The following MYO5A variants were observed in gnomAD, a reference collection of about 807,000 sequenced individuals.
The protein encoded by MYO5A is unconventional myosin-Va.
In MYO5A, 98 loss-of-function variants were observed where a neutral mutation model predicts 249.7. That is an observed-to-expected ratio of 0.39 (90% CI 0.33 to 0.46). The LOEUF is 0.46. Among genes scored for constraint, MYO5A ranks in the 20% least tolerant of loss-of-function variants. The pLI is 0.98. For missense variants in MYO5A, 1,696 were observed against 2,308.8 expected, an observed-to-expected ratio of 0.73 and a Z score of 5.44; for synonymous variants, 778 against 810.6, an observed-to-expected ratio of 0.96 and a Z score of 0.68.
At chr15:52,364,169 C>T (rs1237320558) in intron 24 of MYO5A, among the ~76,000 whole-genome samples, 1 of 151,382 alleles carries the variant, frequency 6.6e-6, no homozygotes, top group African/African-American at 2.4e-5. Flanking sequence ...ACCTGGGAGG[C>T]GGAGGTTGCA....
intron 1 of MYO5A, among the ~76,000 whole-genome samples, chr15:52,456,045 T>A (rs958885360): frequency 1.3e-5 from 2 of 152,112 alleles, no homozygotes; most frequent in African/African-American, 4.8e-5. Context: ...TGACATGATC[T>A]TATTATTTAG....
Position 52,375,335 on chromosome 15 carries a change from C to T in MYO5A, c.2546G>A (p.Arg849Gln), listed in dbSNP as rs754654495. The change falls in exon 20 of 42, where the codon CGA becomes CAA. Residue 849 changes from arginine (R) to glutamine (Q), a missense_variant. Arg to Gln is a conservative substitution (Grantham distance 43, BLOSUM62 1). Transcript: ENST00000399233. ...AATIVLQSYL[R>Q]GFLARNRYRK... is the part of the protein sequence containing the mutation. The stretch of plus-strand genomic sequence containing the variant: ...ATACCTATTTCTGGCCAAGAAGCCT[C>T]GCAAGTAAGACTGAAGAACGATAGT... 1.1e-5 allele frequency: 17 copies of T among 1,614,104 alleles called. No individual in the cohort carries two copies. The highest frequency in any genetic ancestry group is 4.5e-5 in the East Asian group (2 of 44,868).
chr15:52,437,542 C>CTAAG (rs555915999), intron 1 of MYO5A, among the ~76,000 whole-genome samples: 90 of 135,980 alleles, frequency 6.6e-4, no homozygotes, highest in African/African-American at 2.4e-3. Context: ...TTGCAGTGAG[C>CTAAG]TAAGATCAAG....
chr15:52,332,035 C>A lies in MYO5A; in HGVS notation c.4409-1536G>T, dbSNP rs551485696. Among the ~76,000 whole-genome samples the A allele has an allele frequency of 1.7e-3, 260 of 152,294 alleles. 1 individual carries two copies. Among genetic ancestry groups the A allele is most frequent in the South Asian group, 5.0e-3 (24 of 4,818 alleles). ...CAGTTTAAACACAACACCACAAGGA[C>A]CTCTGAAGCAGCACACAGTGGCCTC... On this transcript the variant is annotated intron_variant, in intron 34 of 41. Coordinates refer to ENST00000399233, the MANE Select transcript of MYO5A (RefSeq NM_001382347.1).
chr15:52,442,222 C>A (rs552623551), intron 1 of MYO5A, among the ~76,000 whole-genome samples: 1 of 152,224 alleles, frequency 6.6e-6, no homozygotes, highest in Non-Finnish European at 1.5e-5. Flanking sequence ...CCACAAATTC[C>A]TTCCTCAGAA....
chr15:52,463,383 A>C (rs1375562795), intron 1 of MYO5A, among the ~76,000 whole-genome samples: 1 of 152,186 alleles, frequency 6.6e-6, no homozygotes, highest in Non-Finnish European at 1.5e-5. Flanking sequence ...ATATTAAAAA[A>C]CGTCATCCAT....
At chr15:52,332,840 CT>C (rs2038952444) in intron 34 of MYO5A, among the ~76,000 whole-genome samples, 1 of 152,086 alleles carries the variant, frequency 6.6e-6, no homozygotes, top group Non-Finnish European at 1.5e-5. Flanking sequence ...TGGTACATGC[CT>C]GTAATCCCAG....
intron 24 of MYO5A, among the ~76,000 whole-genome samples, chr15:52,363,104 G>A (rs2040619207): frequency 6.6e-6 from 1 of 152,186 alleles, no homozygotes; most frequent in Non-Finnish European, 1.5e-5. Flanking sequence ...GGGTTATAAA[G>A]CTTAGCTCTA....
intron 1 of MYO5A, among the ~76,000 whole-genome samples, chr15:52,527,012 G>A (rs1037975554): frequency 2.1e-5 from 3 of 145,740 alleles, no homozygotes; most frequent in Admixed American, 1.4e-4. Flanking sequence ...GATAAATGAT[G>A]AGCTAAAAAA....
At position 52,360,008 on chromosome 15, in the gene MYO5A, G is replaced by A. The variant is rs777209436; in HGVS notation, c.3383C>T (p.Ser1128Phe). 4.3e-6 allele frequency: 7 copies of A among 1,613,594 alleles called. No homozygotes were observed. In the South Asian group the frequency reaches 6.6e-5, roughly 15 times the overall value. The change falls in exon 25 of 42, where the codon TCT (serine) becomes TTT (phenylalanine). Residue 1128 changes from serine (S) to phenylalanine (F), a missense_variant. This residue lies in a region of MYO5A where 412 missense variants were observed against 453.3 expected (regional missense o/e 0.91). Transcript: ENST00000399233. ...AATGTCTTCCATTTCTGCAATTTCA[G>A]AGCTAAAGATATATTCAGACTCGTT... is the stretch of plus-strand genomic sequence containing the variant. ...SSNESEYIFS[S>F]EIAEMEDIPS... is the part of the protein sequence containing the mutation.
chr15:52,353,375 C>T (rs939193279), intron 27 of MYO5A, among the ~76,000 whole-genome samples: 1 of 152,190 alleles, frequency 6.6e-6, no homozygotes, highest in Non-Finnish European at 1.5e-5. Flanking sequence ...ACTACCACAG[C>T]CTCGAACAGC....
At chr15:52,390,515 G>T (rs983435218) in intron 12 of MYO5A, among the ~76,000 whole-genome samples, 32 of 149,680 alleles carry the variant, frequency 2.1e-4, no homozygotes, top group African/African-American at 7.4e-4. Flanking sequence ...GTCTCCTCTT[G>T]CCATTTCCTC....
chr15:52,478,287 C>T (rs993487260), intron 1 of MYO5A, among the ~76,000 whole-genome samples: 1 of 152,060 alleles, frequency 6.6e-6, no homozygotes, highest in Non-Finnish European at 1.5e-5. Flanking sequence ...TGGGAGTGAC[C>T]CAATTTTCCA....
chr15:52,308,042 A>G lies in MYO5A; in HGVS notation c.*5654T>C, dbSNP rs2037671465. On this transcript the variant is annotated 3_prime_UTR_variant, in exon 42 of 42. Coordinates refer to ENST00000399233, the MANE Select transcript of MYO5A (RefSeq NM_001382347.1). ...ATAACAATAAGATTTGAAACTGCTG[A>G]CTCTGAAAAATGCATAAAAATATAC... 6.6e-6 allele frequency: 1 copy of G among 152,156 alleles called. No homozygotes were observed. Among genetic ancestry groups the G allele is most frequent in the South Asian group, 2.1e-4 (1 of 4,834 alleles). 9.4% of individuals were successfully genotyped at this position (152,156 alleles called of 1,614,324 possible).
At chr15:52,487,420 T>C (rs200544369) in intron 1 of MYO5A, among the ~76,000 whole-genome samples, 1 of 145,694 alleles carries the variant, frequency 6.9e-6, no homozygotes, top group Non-Finnish European at 1.5e-5. Flanking sequence ...GTCCCAAAAA[T>C]TAAAAAAAAA....
intron 1 of MYO5A, among the ~76,000 whole-genome samples, chr15:52,502,567 C>T (rs1053638708): frequency 6.6e-6 from 1 of 152,200 alleles, no homozygotes; most frequent in Non-Finnish European, 1.5e-5. Context: ...GACCATACCA[C>T]ATCTATAGAA....
At chr15:52,340,527 TGATTA>T in intron 31 of MYO5A, 133 bp from the exon 32 acceptor site, 1 of 778,296 alleles carries the variant, frequency 1.3e-6, no homozygotes, top group Non-Finnish European at 2.1e-6. Context: ...TCTTCTGACT[TGATTA>T]AAGTCAAGAA....
At chr15:52,467,466 C>T (rs894351623) in intron 1 of MYO5A, among the ~76,000 whole-genome samples, 2 of 152,036 alleles carry the variant, frequency 1.3e-5, no homozygotes, top group Middle Eastern at 3.4e-3. Context: ...TTTGAAATAA[C>T]ATAATCAGAC....
chr15:52,385,057 T>G (rs894390394), intron 14 of MYO5A, among the ~76,000 whole-genome samples: 1 of 152,200 alleles, frequency 6.6e-6, no homozygotes, highest in African/African-American at 2.4e-5. Context: ...TTAAAAGATC[T>G]GGTACTCAAT....
Sources: gnomAD v4.1 joint callset for allele counts (sites outside exome capture counted in the v4.1 genomes callset) on GRCh38, gnomAD v4.1.1 for gene constraint, gnomAD v4.1.1 regional missense constraint, MANE v1.5 for transcripts, NCBI Gene and HGNC (gene_info 2026-07-23, HGNC 2026-07-21) for gene names.